INPP4B: variants seen among roughly 807,000 people sequenced by gnomAD.
INPP4B encodes the protein inositol polyphosphate 4-phosphatase type II.
In INPP4B, 55 loss-of-function variants were observed where a neutral mutation model predicts 122.5. The ratio of observed to expected loss-of-function variants is 0.45; its 90% CI spans 0.36 to 0.56. The LOEUF (loss-of-function observed/expected upper bound fraction) is 0.56. Among genes scored for constraint, INPP4B ranks in the 20% least tolerant of loss-of-function variants. The pLI is 0.00. For missense variants in INPP4B, 1,000 were observed against 1,097.7 expected, an observed-to-expected ratio of 0.91 and a Z score of 1.26; for synonymous variants, 403 against 388.7, an observed-to-expected ratio of 1.04 and a Z score of -0.43.
intron 15 of INPP4B, among the ~76,000 whole-genome samples, chr4:142,189,469 A>C (rs1297620781): frequency 6.6e-6 from 1 of 152,174 alleles, no homozygotes; most frequent in African/African-American, 2.4e-5. Context: ...ACAAGAAAAA[A>C]ACCTAATACA....
chr4:142,593,803 G>A (rs1016631473), intron 2 of INPP4B, among the ~76,000 whole-genome samples: 3 of 151,784 alleles, frequency 2.0e-5, no homozygotes, highest in Non-Finnish European at 1.5e-5. Flanking sequence ...AAAAGTCAAA[G>A]AATCCCTTCA....
At chr4:142,405,355 G>C in intron 5 of INPP4B, 31 bp from the exon 6 acceptor site, 1 of 1,294,294 alleles carries the variant, frequency 7.7e-7, no homozygotes, top group Non-Finnish European at 1.1e-6. Context: ...AGAAAGAAAA[G>C]AAACTAACAC....
intron 18 of INPP4B, among the ~76,000 whole-genome samples, chr4:142,126,785 T>C (rs1454845303): frequency 3.3e-5 from 5 of 152,108 alleles, no homozygotes; most frequent in Non-Finnish European, 7.4e-5. Flanking sequence ...ACTGAACTTT[T>C]TTTTCATAAT....
intron 2 of INPP4B, among the ~76,000 whole-genome samples, chr4:142,713,265 A>C (rs527870043): frequency 6.6e-6 from 1 of 152,344 alleles, no homozygotes; most frequent in East Asian, 1.9e-4. Flanking sequence ...TTTTGAACTA[A>C]GTTCAAGATG....
intron 1 of INPP4B, among the ~76,000 whole-genome samples, chr4:142,757,077 T>C (rs1466299805): frequency 6.6e-6 from 1 of 152,144 alleles, no homozygotes; most frequent in East Asian, 1.9e-4. Context: ...CAGATAGATA[T>C]CAAAGTTATG....
intron 7 of INPP4B, among the ~76,000 whole-genome samples, chr4:142,340,787 A>G (rs1006797279): frequency 6.6e-6 from 1 of 152,148 alleles, no homozygotes; most frequent in Admixed American, 6.5e-5. Context: ...AATCAGTGAC[A>G]TGACTAAAGA....
chr4:142,183,902 C>T (rs1532450), intron 15 of INPP4B, among the ~76,000 whole-genome samples: 29,028 of 151,820 alleles, frequency 0.19, 3,076 homozygotes, highest in Middle Eastern at 0.31. Context: ...CCCTAATCTT[C>T]TTGTTGATTT....
chr4:142,422,822 C>G (rs916352619), intron 5 of INPP4B, among the ~76,000 whole-genome samples: 13 of 151,714 alleles, frequency 8.6e-5, no homozygotes, highest in African/African-American at 3.1e-4. Flanking sequence ...TAAAAAGAAA[C>G]AAACAAACAA....
At chr4:142,039,546 CAAGAACAGT>C (rs1404584068) in intron 25 of INPP4B, among the ~76,000 whole-genome samples, 1 of 151,316 alleles carries the variant, frequency 6.6e-6, no homozygotes, top group Non-Finnish European at 1.5e-5. Flanking sequence ...AATTATAACT[CAAGAACAGT>C]TAGGAAAGTG....
chr4:142,828,018 A>G (rs956210867), intron 1 of INPP4B, among the ~76,000 whole-genome samples: 4 of 152,126 alleles, frequency 2.6e-5, no homozygotes, highest in African/African-American at 9.7e-5. Flanking sequence ...TGATATTGCA[A>G]AGGGTGACAA....
intron 8 of INPP4B, among the ~76,000 whole-genome samples, chr4:142,312,091 A>G (rs1011661398): frequency 5.3e-5 from 8 of 152,206 alleles, no homozygotes; most frequent in African/African-American, 1.4e-4. Context: ...CAGGATACCA[A>G]TTGAGATTTC....
chr4:142,086,307 T>G (rs336323), intron 23 of INPP4B, 51 bp from the exon 24 acceptor site: 724,535 of 1,006,022 alleles, frequency 0.72, 265,376 homozygotes, highest in Non-Finnish European at 0.76. Flanking sequence ...GTGTTCACAT[T>G]AAGCTGCCCA....
intron 2 of INPP4B, among the ~76,000 whole-genome samples, chr4:142,502,289 C>T (rs2149824849): frequency 6.6e-6 from 1 of 152,234 alleles, no homozygotes; most frequent in South Asian, 2.1e-4. Context: ...GGACCCAGAG[C>T]TAACATTCTT....
At chr4:142,496,538 G>A (rs1430828558) in intron 2 of INPP4B, among the ~76,000 whole-genome samples, 2 of 152,072 alleles carry the variant, frequency 1.3e-5, no homozygotes, top group African/African-American at 4.8e-5. Context: ...TCTACCATTA[G>A]CATATGAGAC....
chr4:142,260,595 T>TTTGAGA, intron 10 of INPP4B, 31 bp from the exon 11 acceptor site: 2 of 1,166,624 alleles, frequency 1.7e-6, no homozygotes, highest in South Asian at 1.6e-5. Flanking sequence ...AAAAAAAAAA[T>TTTGAGA]TTTGAGAACA....
chr4:142,248,430 C>T (rs528241541), intron 11 of INPP4B, among the ~76,000 whole-genome samples: 35 of 151,136 alleles, frequency 2.3e-4, no homozygotes, highest in African/African-American at 7.3e-4. Flanking sequence ...CTCCGCCTCC[C>T]GGGTTCAAGT....
At chr4:142,586,599 A>C (rs10008407) in intron 2 of INPP4B, among the ~76,000 whole-genome samples, 2,144 of 152,256 alleles carry the variant, frequency 0.014, 40 homozygotes, top group African/African-American at 0.041. Context: ...CAAGGCTAAC[A>C]GTTAGGTGCT....
rs1398402364 is a variant in INPP4B at position 142,311,450 on chromosome 4, G to T, written c.423+3262C>A. ...AGAATCCCCCACCCATTTATTTCTG[G>T]TGGTTCTAATAATACATAAAATGGT... On this transcript the variant is annotated intron_variant, in intron 8 of 25. Transcript: ENST00000262992. Among the ~76,000 whole-genome samples the T allele has an allele frequency of 2.6e-5, 4 of 152,072 alleles. No homozygotes were observed. In the South Asian group the frequency reaches 8.3e-4, roughly 31 times the overall value.
chr4:142,381,763 GAT>G (rs1468669095), intron 7 of INPP4B, among the ~76,000 whole-genome samples: 1 of 151,960 alleles, frequency 6.6e-6, no homozygotes, highest in African/African-American at 2.4e-5. Flanking sequence ...CTTCTAGAAG[GAT>G]AGTCATTTTA....
Sources: allele counts gnomAD v4.1 joint callset (sites outside exome capture counted in the v4.1 genomes callset), GRCh38; gene constraint gnomAD v4.1.1; transcripts MANE v1.5; gene names NCBI Gene and HGNC (gene_info 2026-07-23, HGNC 2026-07-21).